The following GABRB2 variants were observed in gnomAD, a reference collection of about 807,000 sequenced individuals.
GABRB2 encodes the protein gamma-aminobutyric acid type A receptor subunit beta2, also known as gamma-aminobutyric acid receptor subunit beta-2.
GABRB2 carries 16 observed loss-of-function variants against 54.7 expected under a neutral mutation model. That is an observed-to-expected ratio of 0.29 (90% CI 0.20 to 0.44). GABRB2 has a LOEUF of 0.44. Ranked by LOEUF, GABRB2 falls within the 20% of genes least tolerant of loss-of-function variation. GABRB2 has a pLI of 1.00. For missense variants in GABRB2, 355 were observed against 644.0 expected, an observed-to-expected ratio of 0.55 and a Z score of 4.86; for synonymous variants, 244 against 233.8, an observed-to-expected ratio of 1.04 and a Z score of -0.40.
intron 5 of GABRB2, among the ~76,000 whole-genome samples, chr5:161,341,937 T>TATATA (rs1754172106): frequency 5.3e-5 from 4 of 75,708 alleles, no homozygotes; most frequent in East Asian, 4.5e-4. Context: ...ATTTTTTCTT[T>TATATA]TATATATATA....
chr5:161,524,722 C>T (rs1760221742), intron 3 of GABRB2, among the ~76,000 whole-genome samples: 1 of 151,182 alleles, frequency 6.6e-6, no homozygotes, highest in Non-Finnish European at 1.5e-5. Context: ...TTAATGCAAA[C>T]CTCAGACTCA....
At chr5:161,485,416 A>G (rs1022212362) in intron 3 of GABRB2, among the ~76,000 whole-genome samples, 1 of 151,982 alleles carries the variant, frequency 6.6e-6, no homozygotes, top group Non-Finnish European at 1.5e-5. Flanking sequence ...ACTCACCAAT[A>G]TAAGAGAAAA....
intron 5 of GABRB2, among the ~76,000 whole-genome samples, chr5:161,399,887 G>A (rs1458029513): frequency 6.6e-6 from 1 of 152,096 alleles, no homozygotes; most frequent in South Asian, 2.1e-4. Flanking sequence ...CACAAGATCT[G>A]GCACAAAGTA....
chr5:161,401,657 C>T (rs887502548), intron 5 of GABRB2, among the ~76,000 whole-genome samples: 1 of 152,112 alleles, frequency 6.6e-6, no homozygotes, highest in Non-Finnish European at 1.5e-5. Flanking sequence ...GCCCATGTAA[C>T]ATTTAAGTCG....
intron 5 of GABRB2, among the ~76,000 whole-genome samples, chr5:161,352,354 G>T (rs545246397): frequency 6.6e-6 from 1 of 151,676 alleles, no homozygotes; most frequent in African/African-American, 2.4e-5. Flanking sequence ...TATACCTAGT[G>T]AAATACTACT....
intron 3 of GABRB2, among the ~76,000 whole-genome samples, chr5:161,468,776 C>T (rs758562405): frequency 6.6e-6 from 1 of 151,728 alleles, no homozygotes; most frequent in Non-Finnish European, 1.5e-5. Context: ...GATATGAAAG[C>T]ATGAATGAAA....
At chr5:161,467,426 T>C (rs1758311823) in intron 3 of GABRB2, among the ~76,000 whole-genome samples, 1 of 152,118 alleles carries the variant, frequency 6.6e-6, no homozygotes, top group Admixed American at 6.6e-5. Flanking sequence ...ACAAGGCTAA[T>C]GTTTTTAAGG....
chr5:161,300,016 A>ACTGCT (rs1209618905), intron 9 of GABRB2, among the ~76,000 whole-genome samples: 1 of 152,174 alleles, frequency 6.6e-6, no homozygotes, highest in African/African-American at 2.4e-5. Flanking sequence ...TTAGTGGCTG[A>ACTGCT]CTGCTAAACT....
At chr5:161,317,936 A>G (rs2113375411) in intron 9 of GABRB2, among the ~76,000 whole-genome samples, 1 of 152,190 alleles carries the variant, frequency 6.6e-6, no homozygotes, top group East Asian at 1.9e-4. Flanking sequence ...TATAAACTGC[A>G]AAGGGAGAGC....
chr5:161,374,076 C>T (rs1331891397), intron 5 of GABRB2, among the ~76,000 whole-genome samples: 1 of 152,112 alleles, frequency 6.6e-6, no homozygotes, highest in Non-Finnish European at 1.5e-5. Context: ...TCCTGAGTAG[C>T]TAGGATTACA....
intron 5 of GABRB2, among the ~76,000 whole-genome samples, chr5:161,408,372 C>T (rs2113105990): frequency 6.6e-6 from 1 of 152,220 alleles, no homozygotes; most frequent in East Asian, 1.9e-4. Context: ...ATATATCTAT[C>T]TCTCTCACCT....
intron 3 of GABRB2, among the ~76,000 whole-genome samples, chr5:161,498,227 A>T (rs768572600): frequency 2.6e-5 from 4 of 152,168 alleles, no homozygotes; most frequent in Non-Finnish European, 4.4e-5. Flanking sequence ...TTGGGTCCTT[A>T]TAAGTATTCA....
At chr5:161,546,809 A>C (rs994579227), upstream of GABRB2, 3 of 1,427,066 alleles carry the variant, frequency 2.1e-6, no homozygotes, top group African/African-American at 4.3e-5. Flanking sequence ...GTTTAAAAAA[A>C]AAAAAAAAAA....
intron 5 of GABRB2, among the ~76,000 whole-genome samples, chr5:161,347,884 C>T (rs1016675671): frequency 6.6e-6 from 1 of 152,084 alleles, no homozygotes; most frequent in Non-Finnish European, 1.5e-5. Flanking sequence ...ATGATTTACA[C>T]ATCTTTAGTT....
chr5:161,331,621 G>C (rs571101068), intron 7 of GABRB2, among the ~76,000 whole-genome samples: 3 of 152,114 alleles, frequency 2.0e-5, no homozygotes, highest in Admixed American at 6.5e-5. Flanking sequence ...GTTGGATTTG[G>C]GGGAGAGTAC....
At chr5:161,373,175 A>C (rs905566510) in intron 5 of GABRB2, among the ~76,000 whole-genome samples, 15 of 152,152 alleles carry the variant, frequency 9.9e-5, no homozygotes, top group African/African-American at 3.6e-4. Flanking sequence ...AATAGTCATT[A>C]AAAGAAAACC....
At chr5:161,520,815 T>C (rs968382034) in intron 3 of GABRB2, among the ~76,000 whole-genome samples, 15 of 152,018 alleles carry the variant, frequency 9.9e-5, no homozygotes, top group African/African-American at 3.1e-4. Flanking sequence ...ACAAAGGATA[T>C]TTACCTTAGT....
intron 4 of GABRB2, among the ~76,000 whole-genome samples, chr5:161,434,490 T>G (rs1338111227): frequency 6.6e-6 from 1 of 152,132 alleles, no homozygotes; most frequent in African/African-American, 2.4e-5. Context: ...GTTCTCCAGC[T>G]CATAGCCCAT....
chr5:161,412,982 T>G (rs1003731476), intron 4 of GABRB2, among the ~76,000 whole-genome samples: 1 of 152,188 alleles, frequency 6.6e-6, no homozygotes, highest in African/African-American at 2.4e-5. Flanking sequence ...CTCAGCTCAC[T>G]GCAGCCTCAA....
Sources: gnomAD v4.1 joint callset for allele counts (sites outside exome capture counted in the v4.1 genomes callset) on GRCh38, gnomAD v4.1.1 for gene constraint, MANE v1.5 for transcripts, NCBI Gene and HGNC (gene_info 2026-07-23, HGNC 2026-07-21) for gene names.